The following LMO1 variants were observed in gnomAD, a reference collection of about 807,000 sequenced individuals.
The protein encoded by LMO1 is LIM domain only 1.
A neutral mutation model predicts 18.0 loss-of-function variants in LMO1; 10 were observed. The ratio of observed to expected loss-of-function variants is 0.55; its 90% CI spans 0.34 to 0.94. The LOEUF is 0.94. LMO1 is among the 40% of genes least tolerant of loss of function. The probability of loss-of-function intolerance (pLI) is 0.02; values close to 1 mark genes in which losing one functional copy is unlikely to be tolerated. For synonymous variants in LMO1, 77 were observed against 77.9 expected (o/e 0.99, Z 0.06); for missense variants, 183 against 205.7 (o/e 0.89, Z 0.68).
At chr11:8,255,818 CTTTTTT>C (rs57425549) in intron 1 of LMO1, among the ~76,000 whole-genome samples, 4 of 86,344 alleles carry the variant, frequency 4.6e-5, no homozygotes, top group Admixed American at 3.4e-4. Flanking sequence ...CAATGCCGCA[CTTTTTT>C]TTTTTTTTTT....
intron 1 of LMO1, among the ~76,000 whole-genome samples, chr11:8,259,837 G>A (rs990570913): frequency 6.6e-6 from 1 of 152,212 alleles, no homozygotes; most frequent in Admixed American, 6.5e-5. Context: ...TGGAATTTGT[G>A]CTCCTAGCAG....
At chr11:8,243,392 G>T (rs1261832682) in intron 1 of LMO1, among the ~76,000 whole-genome samples, 1 of 152,192 alleles carries the variant, frequency 6.6e-6, no homozygotes, top group African/African-American at 2.4e-5. Flanking sequence ...CCAGCCATGG[G>T]CTCCCAGGCA....
rs142518426 is a variant in LMO1 at position 8,244,601 on chromosome 11, A to G, written c.26-14097T>C. ...TCTCCCCATTATGTTCTACTTCCCT[A>G]AGTGTGTACTTTTTAATTAAATCCA... On this transcript the variant is annotated intron_variant, in intron 1 of 3. Coordinates refer to ENST00000335790, the MANE Select transcript of LMO1 (RefSeq NM_002315.3). 2.5e-3 allele frequency among the ~76,000 whole-genome samples: 374 copies of G among 152,348 alleles called. 1 individual carries two copies. Among genetic ancestry groups the G allele is most frequent in the Admixed American group, 7.1e-3 (108 of 15,310 alleles).
Position 8,227,024 on chromosome 11 carries a change from C to T in LMO1, c.316G>A (p.Asp106Asn). The change falls in exon 3 of 4, where the codon GAC becomes AAC. Residue 106 changes from aspartate to asparagine, a missense_variant. Coordinates refer to ENST00000335790, the MANE Select transcript of LMO1 (RefSeq NM_002315.3). ...AAGCAGTCGAGGTGATACACGTTGTCCCGGGCCCGCATCACCATCTCGAAG... is the reference window on the plus strand; with the variant it reads ...AAGCAGTCGAGGTGATACACGTTGTTCCGGGCCCGCATCACCATCTCGAAG... ...PAFEMVMRAR[D>N]NVYHLDCFAC... 1 of 1,613,866 alleles carries T rather than the reference C, an allele frequency of 6.2e-7. No individual in the cohort carries two copies. The highest frequency in any genetic ancestry group is 8.5e-7 in the Non-Finnish European group (1 of 1,179,832).
chr11:8,252,746 C>T (rs553292441), intron 1 of LMO1, among the ~76,000 whole-genome samples: 7 of 152,332 alleles, frequency 4.6e-5, no homozygotes, highest in Non-Finnish European at 8.8e-5. Flanking sequence ...GAGCTTGAAA[C>T]AACCCCACAT....
chr11:8,246,798 C>T lies in LMO1; in HGVS notation c.26-16294G>A, dbSNP rs452348. The stretch of plus-strand genomic sequence containing the variant: ...ATATTCAGTCCTGGGGTCAGCATAG[C>T]GGGGGAAATAACCTGTGGCAGCTAG... On this transcript the variant is annotated intron_variant, in intron 1 of 3. Coordinates refer to ENST00000335790, the MANE Select transcript of LMO1 (RefSeq NM_002315.3). Among the ~76,000 whole-genome samples, 51 of 152,016 alleles carry T rather than the reference C, an allele frequency of 3.4e-4. No homozygotes were observed. In the East Asian group the frequency reaches 6.6e-3, roughly 20 times the overall value.
chr11:8,237,730 G>T (rs985407285), intron 1 of LMO1, among the ~76,000 whole-genome samples: 8 of 152,242 alleles, frequency 5.3e-5, no homozygotes, highest in Non-Finnish European at 8.8e-5. Flanking sequence ...CCGCCCATGG[G>T]GTGGCAGTCA....
intron 1 of LMO1, among the ~76,000 whole-genome samples, chr11:8,250,758 A>G (rs1846977033): frequency 6.6e-6 from 1 of 152,200 alleles, no homozygotes; most frequent in South Asian, 2.1e-4. Flanking sequence ...GGGCACAGAC[A>G]TTTCTACTCA....
In LMO1 at chr11:8,230,400, A is replaced by G; in HGVS notation, c.130T>C (p.Trp44Arg). ...GCACACTTGAGGCAGTCTTCGTGCC[A>G]GTACTTGTCCAATGCCTTCAGCAGA... ...RYLLKALDKY[W>R]HEDCLKCACC... Residue 44 changes from tryptophan to arginine, a missense_variant, in exon 2 of 4, where the codon TGG becomes CGG. Physicochemically the swap from Trp to Arg is moderately radical, Grantham distance 101. Coordinates refer to ENST00000335790, the MANE Select transcript of LMO1 (RefSeq NM_002315.3). 1.2e-6 allele frequency: 2 copies of G among 1,614,070 alleles called. No individual in the cohort carries two copies. Among genetic ancestry groups the G allele is most frequent in the Non-Finnish European group, 1.7e-6 (2 of 1,179,896 alleles).
intron 1 of LMO1, among the ~76,000 whole-genome samples, chr11:8,245,984 CTT>C (rs1846886437): frequency 1.3e-5 from 2 of 152,252 alleles, no homozygotes; most frequent in Non-Finnish European, 2.9e-5. Flanking sequence ...GTGCCACACT[CTT>C]TTAAACAACA....
chr11:8,229,304 A>G (rs1952608067), intron 2 of LMO1, among the ~76,000 whole-genome samples: 1 of 152,210 alleles, frequency 6.6e-6, no homozygotes, highest in Non-Finnish European at 1.5e-5. Flanking sequence ...AGGTGTTAAA[A>G]GGGGCAGGCA....
At position 8,243,306 on chromosome 11, in the gene LMO1, T is replaced by G. The variant is rs566601311; in HGVS notation, c.26-12802A>C. Among the ~76,000 whole-genome samples, 360 of 152,216 alleles carry G rather than the reference T, an allele frequency of 2.4e-3. 2 individuals carry two copies. Among genetic ancestry groups the G allele is most frequent in the African/African-American group, 7.8e-3 (324 of 41,530 alleles). On this transcript the variant is annotated intron_variant, in intron 1 of 3. Coordinates refer to ENST00000335790, the MANE Select transcript of LMO1 (RefSeq NM_002315.3). ...TCAGCCCCCCGCATGGCTGAGGAGG[T>G]TCAGGGAGCATCCGTAGATGAAGCT... is the stretch of plus-strand genomic sequence containing the variant.
chr11:8,230,244 T>A, intron 2 of LMO1, 47 bp downstream of exon 2: 1 of 1,572,600 alleles, frequency 6.4e-7, no homozygotes, highest in Non-Finnish European at 8.7e-7. Context: ...GATGGGGAGC[T>A]TTCTGAGCAG....
intron 1 of LMO1, among the ~76,000 whole-genome samples, chr11:8,259,815 C>G (rs547183951): frequency 7.2e-5 from 11 of 152,238 alleles, no homozygotes; most frequent in Non-Finnish European, 1.3e-4. Flanking sequence ...GGTGGATTAA[C>G]TGAGTCGGCT....
chr11:8,244,529 C>T (rs1034761251), intron 1 of LMO1, among the ~76,000 whole-genome samples: 11 of 152,190 alleles, frequency 7.2e-5, no homozygotes, highest in South Asian at 2.1e-4. Context: ...TAAAATACAA[C>T]GCTAATTAGT....
intron 1 of LMO1, among the ~76,000 whole-genome samples, chr11:8,233,025 T>C (rs1046260651): frequency 6.6e-6 from 1 of 152,212 alleles, no homozygotes; most frequent in South Asian, 2.1e-4. Flanking sequence ...GGGGTGAAGC[T>C]GCCAGCCGCC....
chr11:8,253,660 G>T (rs955743526), intron 1 of LMO1, among the ~76,000 whole-genome samples: 2 of 152,110 alleles, frequency 1.3e-5, no homozygotes, highest in Admixed American at 6.5e-5. Context: ...GGACACGCAG[G>T]ATGGAGCAGG....
chr11:8,224,707 T>C lies in LMO1; in HGVS notation c.380A>G (p.Asp127Gly), dbSNP rs1302816691. Reference protein sequence around the residue: ...QLCNQRFCVGDKFFLKNNMIL... With the variant: ...QLCNQRFCVGGKFFLKNNMIL... ...CATGTTGTTCTTCAGGAAGAATTTGTCTCCCACACAAAATCTAGAAAATCC... is the reference window on the plus strand; with the variant it reads ...CATGTTGTTCTTCAGGAAGAATTTGCCTCCCACACAAAATCTAGAAAATCC... The change falls in exon 4 of 4, where the codon GAC (aspartate) becomes GGC (glycine). Residue 127 changes from aspartate (D) to glycine (G), a missense_variant. Transcript: ENST00000335790. 5 of 1,603,580 alleles carry C rather than the reference T, an allele frequency of 3.1e-6. No homozygotes were observed. Among genetic ancestry groups the C allele is most frequent in the Middle Eastern group, 1.6e-4 (1 of 6,066 alleles).
chr11:8,239,382 C>G (rs1220743412), intron 1 of LMO1, among the ~76,000 whole-genome samples: 1 of 152,210 alleles, frequency 6.6e-6, no homozygotes, highest in African/African-American at 2.4e-5. Flanking sequence ...GCTGTGGGAT[C>G]TTGAAAGGGC....
Sources: gnomAD v4.1 joint callset for allele counts (sites outside exome capture counted in the v4.1 genomes callset) on GRCh38, gnomAD v4.1.1 for gene constraint, MANE v1.5 for transcripts, NCBI Gene and HGNC (gene_info 2026-07-23, HGNC 2026-07-21) for gene names.